NPAS3: variants seen among roughly 807,000 people sequenced by gnomAD.
The protein encoded by NPAS3 is neuronal PAS domain-containing protein 3.
NPAS3 carries 14 observed loss-of-function variants against 73.1 expected under a neutral mutation model. That is an observed-to-expected ratio of 0.19 (90% CI 0.13 to 0.30). The LOEUF is 0.30. Among genes scored for constraint, NPAS3 ranks in the 10% least tolerant of loss-of-function variants. NPAS3 has a pLI of 1.00. For synonymous variants in NPAS3, 620 were observed against 541.5 expected (o/e 1.14, Z -2.01); for missense variants, 1,096 against 1,250.0 (o/e 0.88, Z 1.86).
chr14:33,660,756 C>A (rs2059282380), intron 5 of NPAS3, among the ~76,000 whole-genome samples: 1 of 152,118 alleles, frequency 6.6e-6, no homozygotes, highest in African/African-American at 2.4e-5. Context: ...TTCCCCTGCT[C>A]CTTGACACAT....
At chr14:33,024,791 G>T (rs776708510) in intron 1 of NPAS3, among the ~76,000 whole-genome samples, 1 of 152,134 alleles carries the variant, frequency 6.6e-6, no homozygotes, top group African/African-American at 2.4e-5. Context: ...TTTTGTTTAT[G>T]TGTATCTGTA....
At chr14:33,334,105 A>G (rs1421566405) in intron 3 of NPAS3, among the ~76,000 whole-genome samples, 2 of 152,178 alleles carry the variant, frequency 1.3e-5, no homozygotes, top group East Asian at 3.8e-4. Flanking sequence ...TGGAAATAGA[A>G]AGTCAGTATG....
intron 1 of NPAS3, among the ~76,000 whole-genome samples, chr14:33,010,723 G>A (rs938409800): frequency 1.3e-5 from 2 of 152,070 alleles, no homozygotes; most frequent in Non-Finnish European, 1.5e-5. Context: ...AGGCCAAGGA[G>A]AGATAATCAC....
At chr14:33,632,447 C>T (rs2058405594) in intron 5 of NPAS3, among the ~76,000 whole-genome samples, 1 of 152,192 alleles carries the variant, frequency 6.6e-6, no homozygotes, top group Non-Finnish European at 1.5e-5. Context: ...TCAGAGCACA[C>T]TGTGTCCAAA....
At chr14:33,169,233 C>G (rs768449395) in intron 2 of NPAS3, among the ~76,000 whole-genome samples, 1 of 152,168 alleles carries the variant, frequency 6.6e-6, no homozygotes, top group African/African-American at 2.4e-5. Context: ...ATTTTTAATA[C>G]TTAAATTTTT....
chr14:33,003,543 A>G (rs1318249803), intron 1 of NPAS3, among the ~76,000 whole-genome samples: 1 of 152,182 alleles, frequency 6.6e-6, no homozygotes, highest in East Asian at 1.9e-4. Context: ...TGTGTCCATG[A>G]AGGGATCTCT....
At chr14:33,205,464 T>C (rs1264285199) in intron 2 of NPAS3, among the ~76,000 whole-genome samples, 1 of 152,224 alleles carries the variant, frequency 6.6e-6, no homozygotes, top group Non-Finnish European at 1.5e-5. Context: ...GATATGTAGT[T>C]GCTAAATTGT....
chr14:33,443,549 C>T (rs562157403), intron 4 of NPAS3, among the ~76,000 whole-genome samples: 1 of 152,302 alleles, frequency 6.6e-6, no homozygotes, highest in South Asian at 2.1e-4. Flanking sequence ...GAGGTGCTCA[C>T]CCCCTCCACA....
chr14:33,533,684 C>T (rs2054136736), intron 4 of NPAS3, among the ~76,000 whole-genome samples: 1 of 152,060 alleles, frequency 6.6e-6, no homozygotes, highest in Admixed American at 6.6e-5. Flanking sequence ...TGAAACCATG[C>T]TCCATAGAGG....
At chr14:33,676,128 A>G in intron 5 of NPAS3, 83 bp from the exon 6 acceptor site, 1 of 1,375,122 alleles carries the variant, frequency 7.3e-7, no homozygotes. Flanking sequence ...TTTTCTACTC[A>G]GAATCTGAAT....
chr14:33,158,736 C>A (rs1469521547), intron 2 of NPAS3, among the ~76,000 whole-genome samples: 1 of 152,096 alleles, frequency 6.6e-6, no homozygotes, highest in Non-Finnish European at 1.5e-5. Flanking sequence ...GATGGGGGTG[C>A]TTTAAAGAGG....
At chr14:33,600,871 A>T (rs2057380313) in intron 5 of NPAS3, among the ~76,000 whole-genome samples, 1 of 152,186 alleles carries the variant, frequency 6.6e-6, no homozygotes, top group African/African-American at 2.4e-5. Flanking sequence ...ATGAAGGCTG[A>T]CCTGTCTGGG....
chr14:33,529,014 T>G (rs2140159318), intron 4 of NPAS3, among the ~76,000 whole-genome samples: 1 of 152,184 alleles, frequency 6.6e-6, no homozygotes, highest in Non-Finnish European at 1.5e-5. Flanking sequence ...TTCAAATTTC[T>G]CCCTCTATCC....
intron 4 of NPAS3, among the ~76,000 whole-genome samples, chr14:33,508,387 A>C (rs146688049): frequency 2.0e-5 from 3 of 152,178 alleles, no homozygotes; most frequent in African/African-American, 7.2e-5. Flanking sequence ...AGCAATGCCG[A>C]AAAGGGGGCT....
rs147531603 is a variant in NPAS3, at chr14:33,091,111, C to A, written c.140+35117C>A. ...AAGCAAAAGCAAACACATTCAAAAGCTAGCAGAAGGCAAGAAATAACTAAG... is the reference window on the plus strand; with the variant it reads ...AAGCAAAAGCAAACACATTCAAAAGATAGCAGAAGGCAAGAAATAACTAAG... On this transcript the variant is annotated intron_variant, in intron 2 of 11. Transcript: ENST00000356141. Among the ~76,000 whole-genome samples, 24 of 152,218 alleles carry A rather than the reference C, an allele frequency of 1.6e-4. No homozygotes were observed. In the East Asian group the frequency reaches 2.3e-3, roughly 15 times the overall value.
At chr14:33,364,702 C>T (rs2045758051) in intron 3 of NPAS3, among the ~76,000 whole-genome samples, 1 of 152,124 alleles carries the variant, frequency 6.6e-6, no homozygotes, top group African/African-American at 2.4e-5. Context: ...TTCCTCAGAG[C>T]ACAGCCTGAA....
At chr14:32,995,649 GT>G (rs1375715328) in intron 1 of NPAS3, among the ~76,000 whole-genome samples, 1 of 152,190 alleles carries the variant, frequency 6.6e-6, no homozygotes, top group Non-Finnish European at 1.5e-5. Flanking sequence ...GGATCTGATG[GT>G]TTTAAAAGTG....
chr14:33,669,881 TTTGTTG>T (rs535337931), intron 5 of NPAS3, among the ~76,000 whole-genome samples: 7 of 152,254 alleles, frequency 4.6e-5, no homozygotes, highest in African/African-American at 1.7e-4. Context: ...ATCTCTTGTT[TTTGTTG>T]TTGTTTGTTT....
At chr14:33,680,951 T>C (rs188696719) in intron 6 of NPAS3, 122 of 321,306 alleles carry the variant, frequency 3.8e-4, no homozygotes, top group Non-Finnish European at 6.4e-4. Flanking sequence ...TATGCTATTA[T>C]ACTTACGCTA....
Sources: gnomAD v4.1 joint callset for allele counts (sites outside exome capture counted in the v4.1 genomes callset) on GRCh38, gnomAD v4.1.1 for gene constraint, MANE v1.5 for transcripts, NCBI Gene and HGNC (gene_info 2026-07-23, HGNC 2026-07-21) for gene names.